MINAR1: variants seen among roughly 807,000 people sequenced by gnomAD.
MINAR1 encodes major intrinsically disordered Notch2-binding receptor 1.
MINAR1 carries 40 observed loss-of-function variants against 65.1 expected under a neutral mutation model. The ratio of observed to expected loss-of-function variants is 0.61; its 90% confidence interval spans 0.48 to 0.80. MINAR1 has a LOEUF of 0.80. MINAR1 is among the 30% of genes least tolerant of loss of function. MINAR1 has a pLI of 0.00. For synonymous variants in MINAR1, 482 were observed against 449.1 expected (o/e 1.07, Z -0.93); for missense variants, 1,128 against 1,148.0 (o/e 0.98, Z 0.25).
intron 1 of MINAR1, among the ~76,000 whole-genome samples, chr15:79,435,925 TG>T (rs1894587821): frequency 1.3e-5 from 2 of 152,266 alleles, no homozygotes; most frequent in Admixed American, 1.3e-4. Flanking sequence ...TCTGGGCACA[TG>T]GTAAGATTGC....
At position 79,468,640 on chromosome 15, in the gene MINAR1, G is replaced by A. The variant is rs1895961860; in HGVS notation, c.*256G>A. On this transcript the variant is annotated 3_prime_UTR_variant, in exon 4 of 4. Coordinates refer to ENST00000305428, the MANE Select transcript of MINAR1 (RefSeq NM_015206.3). ...TCTTTTCCTACCAAAAGAACATCAT[G>A]GACTATCAATAAATACAAATTGAAT... 4.2e-6 allele frequency: 2 copies of A among 477,278 alleles called. No homozygotes were observed. The highest frequency in any genetic ancestry group is 2.8e-5 in the South Asian group (1 of 35,296). 29.6% of individuals were successfully genotyped at this position (477,278 alleles called of 1,614,324 possible).
chr15:79,436,954 T>C (rs1391861604), intron 1 of MINAR1, among the ~76,000 whole-genome samples: 5 of 152,226 alleles, frequency 3.3e-5, no homozygotes. Flanking sequence ...ATTTACTTTG[T>C]GTCCTAGTGA....
intron 1 of MINAR1, among the ~76,000 whole-genome samples, chr15:79,436,981 G>T (rs1894619698): frequency 6.6e-6 from 1 of 152,184 alleles, no homozygotes; most frequent in East Asian, 1.9e-4. Flanking sequence ...TTGACCTTCA[G>T]TGGCTCATGT....
At chr15:79,463,418 TC>T (rs1441433246) in intron 3 of MINAR1, 97 bp downstream of exon 3, 1 of 1,427,982 alleles carries the variant, frequency 7.0e-7, no homozygotes, top group African/African-American at 1.4e-5. Flanking sequence ...CCAGCCCACT[TC>T]CACACCCTTC....
the MINAR1 span, chr15:79,416,935 C>T: frequency 6.6e-6 from 1 of 152,276 alleles, no homozygotes; most frequent in Non-Finnish European, 1.5e-5. Flanking sequence ...GAGGCCTTGA[C>T]ACCAGCTGAC....
At chr15:79,451,308 A>C (rs2141287644) in intron 1 of MINAR1, among the ~76,000 whole-genome samples, 1 of 152,220 alleles carries the variant, frequency 6.6e-6, no homozygotes, top group African/African-American at 2.4e-5. Context: ...TACCTGGTTG[A>C]AAACTCCTGC....
Position 79,471,323 on chromosome 15 carries a change from C to T in MINAR1, c.*2939C>T, listed in dbSNP as rs995549303. ...TTGAGATTATTTTGAAATTAAATAT[C>T]CTTAACCAATGATTAAATTCATAAT... On this transcript the variant is annotated 3_prime_UTR_variant, in exon 4 of 4. Transcript: ENST00000305428. 6.6e-6 allele frequency: 1 copy of T among 152,492 alleles called. No individual in the cohort carries two copies. Among genetic ancestry groups the T allele is most frequent in the African/African-American group, 2.4e-5 (1 of 41,400 alleles). The allele number at this position is 152,492 out of a possible 1,614,324, so 9.4% of individuals were successfully genotyped here.
chr15:79,455,027 T>C (rs1567056643), intron 1 of MINAR1, among the ~76,000 whole-genome samples: 2 of 152,198 alleles, frequency 1.3e-5, no homozygotes, highest in East Asian at 1.9e-4. Context: ...ATCAAAAAAA[T>C]AAGAAAGCTT....
At chr15:79,451,595 C>T (rs1895204241) in intron 1 of MINAR1, among the ~76,000 whole-genome samples, 1 of 152,068 alleles carries the variant, frequency 6.6e-6, no homozygotes, top group Non-Finnish European at 1.5e-5. Context: ...CAGGCAATCC[C>T]CAGTCTGGCC....
At chr15:79,418,552 C>T in the MINAR1 span, 1 of 152,162 alleles carries the variant, frequency 6.6e-6, no homozygotes, top group South Asian at 2.1e-4. Flanking sequence ...TGTGATGGGT[C>T]CTTGAAAGAT....
rs764555570 is a variant in MINAR1 at position 79,463,091 on chromosome 15, C to T, written c.2323C>T (p.Pro775Ser). 3.1e-6 allele frequency: 5 copies of T among 1,613,846 alleles called. No individual in the cohort carries two copies. The highest frequency in any genetic ancestry group is 1.1e-5 in the South Asian group (1 of 91,058). The change falls in exon 3 of 4, where the codon CCA (proline) becomes TCA (serine). Residue 775 changes from proline to serine, a missense_variant. Transcript: ENST00000305428. ...KEADRQYDIP[P>S]QHRLPKQPKD... ...GGCAGACAGGCAGTACGACATTCCC[C>T]CACAGCACCGACTGCCCAAGCAGCC...
In MINAR1 at chr15:79,458,382, TGAG is replaced by T. The variant is rs1895520015; in HGVS notation, c.2242_2244del (p.Glu748del). ...CTTATACCAACCGTGTGGGCCTCAA[TGAG>T]GAGGAGATAAAAGACACAGGCCCAG... On this transcript the variant is annotated inframe_deletion, in exon 2 of 4. Coordinates refer to ENST00000305428, the MANE Select transcript of MINAR1 (RefSeq NM_015206.3). 2 of 1,614,024 alleles carry T rather than the reference TGAG, an allele frequency of 1.2e-6. No homozygotes were observed. Among genetic ancestry groups the T allele is most frequent in the Non-Finnish European group, 1.7e-6 (2 of 1,179,984 alleles).
At chr15:79,466,197 C>T (rs754695084) in intron 3 of MINAR1, among the ~76,000 whole-genome samples, 1 of 152,208 alleles carries the variant, frequency 6.6e-6, no homozygotes, top group Non-Finnish European at 1.5e-5. Flanking sequence ...AGAAATTAAA[C>T]AGCAGTCTCT....
the MINAR1 span, chr15:79,422,013 A>G: frequency 1.3e-5 from 2 of 152,382 alleles, no homozygotes. Context: ...GAGAGACTGC[A>G]CTATGAGCAG....
chr15:79,457,935 G>A lies in MINAR1; in HGVS notation c.1788G>A (p.Val596=), dbSNP rs1300953071. 8.1e-6 allele frequency: 13 copies of A among 1,614,108 alleles called. No individual in the cohort carries two copies. Among genetic ancestry groups the A allele is most frequent in the Non-Finnish European group, 1.1e-5 (13 of 1,180,052 alleles). The change falls in exon 2 of 4, where the codon GTG becomes GTA. Residue 596 remains valine (V), a synonymous_variant. Transcript: ENST00000305428. ...CGGAAGAAGAGCTGAAGACCAGTGT[G>A]TGCAAACTGGTGCTCAGGATTGGCG... The part of the protein sequence containing the change: ...HHSEEELKTS[V]CKLVLRIGEI...
At chr15:79,440,326 A>G (rs754171990) in intron 1 of MINAR1, among the ~76,000 whole-genome samples, 7 of 152,130 alleles carry the variant, frequency 4.6e-5, no homozygotes, top group South Asian at 2.1e-4. Context: ...CTCTCCATCA[A>G]CCCAAAAGAT....
At chr15:79,465,666 G>A (rs971556038) in intron 3 of MINAR1, among the ~76,000 whole-genome samples, 1 of 152,104 alleles carries the variant, frequency 6.6e-6, no homozygotes, top group African/African-American at 2.4e-5. Context: ...TTTAGACACT[G>A]TTTGGCTTCT....
the MINAR1 span, chr15:79,425,593 G>A: frequency 0.42 from 63,755 of 151,810 alleles, 13,698 homozygotes; most frequent in South Asian, 0.54. Flanking sequence ...AGCCTCACTC[G>A]TTTGGAGGTA....
At chr15:79,448,569 T>C (rs994566996) in intron 1 of MINAR1, among the ~76,000 whole-genome samples, 35 of 152,364 alleles carry the variant, frequency 2.3e-4, no homozygotes, top group African/African-American at 8.4e-4. Context: ...ACATGAATAC[T>C]GCAGATGAAT....
Sources: gnomAD v4.1 joint callset for allele counts (sites outside exome capture counted in the v4.1 genomes callset) on GRCh38, gnomAD v4.1.1 for gene constraint, MANE v1.5 for transcripts, NCBI Gene and HGNC (gene_info 2026-07-23, HGNC 2026-07-21) for gene names.